The following ABCB7 variants were observed in gnomAD, a reference collection of about 807,000 sequenced individuals.
The protein encoded by ABCB7 is iron-sulfur clusters transporter ABCB7, mitochondrial.
ABCB7 carries 7 observed loss-of-function variants against 54.4 expected under a neutral mutation model. The observed-to-expected ratio is 0.13, with a 90% CI of 0.07 to 0.24. ABCB7 has a LOEUF of 0.24. Ranked by LOEUF, ABCB7 falls within the 10% of genes least tolerant of loss-of-function variation. The probability of loss-of-function intolerance (pLI) is 1.00; values close to 1 mark genes in which losing one functional copy is unlikely to be tolerated. For synonymous variants in ABCB7, 218 were observed against 207.1 expected, an observed-to-expected ratio of 1.05 and a Z score of -0.45; for missense variants, 356 against 570.4, an observed-to-expected ratio of 0.62 and a Z score of 3.83.
At chrX:75,118,945 C>T (rs2081848797) in intron 1 of ABCB7, among the ~76,000 whole-genome samples, 1 of 111,382 alleles carries the variant, frequency 9.0e-6, no homozygotes, top group Non-Finnish European at 1.9e-5. Context: ...CTTATTATGC[C>T]CTAGAAACTA....
intron 1 of ABCB7, among the ~76,000 whole-genome samples, chrX:75,118,633 TG>T (rs749719304): frequency 2.8e-4 from 31 of 111,494 alleles, no homozygotes; most frequent in African/African-American, 9.8e-4. Flanking sequence ...TTTTTACTTT[TG>T]GGGGGGTGAC....
At chrX:75,114,678 T>C (rs1313280101) in intron 2 of ABCB7, 76 bp downstream of exon 2, 2 of 822,582 alleles carry the variant, frequency 2.4e-6, no homozygotes, top group African/African-American at 2.0e-5. Flanking sequence ...GTAAAATATG[T>C]AGTATAAATT....
In ABCB7 at chrX:75,053,111, T is replaced by C. The variant is rs1483128897; in HGVS notation, c.*259A>G. The C allele has an allele frequency of 5.3e-6, 2 of 374,798 alleles. No homozygotes were observed. The highest frequency in any genetic ancestry group is 9.2e-6 in the Non-Finnish European group (2 of 217,238). 30.9% of individuals were successfully genotyped at this position (374,798 alleles called of 1,213,427 possible). On this transcript the variant is annotated 3_prime_UTR_variant, in exon 16 of 16. Transcript: ENST00000373394. ...TGAATGTCAGGCCTCAAGAGGGTAATGTGGTAATATCAAACAGGTAGCAAA... is the reference window on the plus strand; with the variant it reads ...TGAATGTCAGGCCTCAAGAGGGTAACGTGGTAATATCAAACAGGTAGCAAA...
At chrX:75,087,284 T>C (rs1377076284) in intron 4 of ABCB7, among the ~76,000 whole-genome samples, 1 of 111,806 alleles carries the variant, frequency 8.9e-6, no homozygotes, top group Non-Finnish European at 1.9e-5. Context: ...TTTGCCTGCA[T>C]TAAGGGTACT....
At chrX:75,064,459 C>T (rs2081303144) in intron 13 of ABCB7, among the ~76,000 whole-genome samples, 1 of 109,006 alleles carries the variant, frequency 9.2e-6, no homozygotes, top group African/African-American at 3.4e-5. Flanking sequence ...TCTGTGTCCT[C>T]CAAAAAAAAA....
chrX:75,135,661 A>G (rs1602407848), intron 1 of ABCB7, among the ~76,000 whole-genome samples: 2 of 111,913 alleles, frequency 1.8e-5, no homozygotes, highest in African/African-American at 3.2e-5. Context: ...CTGAGATGTA[A>G]GTTTGGTTCA....
intron 1 of ABCB7, among the ~76,000 whole-genome samples, chrX:75,129,453 G>A (rs991481939): frequency 9.1e-6 from 1 of 110,058 alleles, no homozygotes; most frequent in Admixed American, 9.8e-5. Context: ...TTTGGGGTTG[G>A]GGAGCAAGGG....
intron 3 of ABCB7, among the ~76,000 whole-genome samples, chrX:75,107,883 C>T (rs1459969955): frequency 9.0e-6 from 1 of 110,576 alleles, no homozygotes; most frequent in African/African-American, 3.3e-5. Flanking sequence ...GGTATAGCAC[C>T]AAGCAGGCAC....
chrX:75,136,592 A>C (rs1315067210), intron 1 of ABCB7, among the ~76,000 whole-genome samples: 3 of 110,084 alleles, frequency 2.7e-5, no homozygotes, highest in Non-Finnish European at 3.8e-5. Context: ...ACAACAACAA[A>C]AAAGCTGGAG....
chrX:75,118,350 C>G (rs755296586), intron 1 of ABCB7, among the ~76,000 whole-genome samples: 1 of 110,356 alleles, frequency 9.1e-6, no homozygotes, highest in African/African-American at 3.3e-5. Flanking sequence ...AGTTTAAAAG[C>G]CAGAAATATC....
intron 3 of ABCB7, among the ~76,000 whole-genome samples, chrX:75,109,134 A>G (rs891558656): frequency 1.2e-4 from 13 of 112,117 alleles, no homozygotes; most frequent in African/African-American, 3.6e-4. Context: ...GCCACAAATT[A>G]TACTTCTCAT....
At chrX:75,072,690 G>A (rs1485026329) in intron 8 of ABCB7, among the ~76,000 whole-genome samples, 1 of 111,117 alleles carries the variant, frequency 9.0e-6, no homozygotes, top group Admixed American at 9.6e-5. Flanking sequence ...GGGCATTACC[G>A]TACACTACTG....
chrX:75,154,465 T>G (rs1269777194), intron 1 of ABCB7, among the ~76,000 whole-genome samples: 1 of 112,108 alleles, frequency 8.9e-6, no homozygotes, highest in Non-Finnish European at 1.9e-5. Context: ...CAAGAGATCA[T>G]GTGTTAGAAA....
At position 75,114,809 on chromosome X, in the gene ABCB7, A is replaced by T; in HGVS notation, c.191T>A (p.Ile64Asn). Residue 64 changes from isoleucine to asparagine, a missense_variant, in exon 2 of 16, where the codon ATC becomes AAC. Ile to Asn is a moderately radical substitution (Grantham distance 149). Coordinates refer to ENST00000373394, the MANE Select transcript of ABCB7 (RefSeq NM_001271696.3). ...GCCTTTTCCCAATCTCTGCCATGTG[A>T]TACTTTTTAATGACTCTGGAATCTG... ...AYQIPESLKSITWQRLGKGNS... is the reference protein window; with the variant it reads ...AYQIPESLKSNTWQRLGKGNS... The T allele has an allele frequency of 8.3e-7, 1 of 1,199,732 alleles. No homozygotes were observed.
intron 1 of ABCB7, among the ~76,000 whole-genome samples, chrX:75,148,093 G>T (rs1340377353): frequency 9.0e-6 from 1 of 111,110 alleles, no homozygotes. Context: ...TCCAACCTGG[G>T]TGACAGAGCA....
chrX:75,087,195 C>T (rs1350049477), intron 4 of ABCB7, among the ~76,000 whole-genome samples: 6 of 111,815 alleles, frequency 5.4e-5, no homozygotes, highest in Non-Finnish European at 1.1e-4. Context: ...AACTTGCTTT[C>T]ACTTTGCTGT....
At chrX:75,104,047 G>GTTTTTTTTGTT (rs2081664100) in intron 3 of ABCB7, among the ~76,000 whole-genome samples, 1 of 13,443 alleles carries the variant, frequency 7.4e-5, no homozygotes, top group Non-Finnish European at 1.7e-4. Flanking sequence ...TCTTGTTACA[G>GTTTTTTTTGTT]TTTTTTTTTT....
chrX:75,080,265 T>C (rs959333559), intron 4 of ABCB7, among the ~76,000 whole-genome samples: 3 of 111,845 alleles, frequency 2.7e-5, no homozygotes, highest in African/African-American at 6.5e-5. Flanking sequence ...ATGCTGACCT[T>C]ACTAAGAAAC....
intron 1 of ABCB7, 128 bp downstream of exon 1, chrX:75,155,977 T>C: frequency 2.6e-6 from 2 of 771,082 alleles, no homozygotes; most frequent in Non-Finnish European, 3.9e-6. Context: ...TTCCTTCACT[T>C]ACTGCTGCTC....
Sources: gnomAD v4.1 joint callset for allele counts (sites outside exome capture counted in the v4.1 genomes callset) on GRCh38, gnomAD v4.1.1 for gene constraint, MANE v1.5 for transcripts, NCBI Gene and HGNC (gene_info 2026-07-23, HGNC 2026-07-21) for gene names.